FLT4: variants seen among roughly 807,000 people sequenced by gnomAD.
The protein encoded by FLT4 is fms related receptor tyrosine kinase 4, also known as vascular endothelial growth factor receptor 3.
FLT4 carries 30 observed loss-of-function variants against 163.2 expected under a neutral mutation model. The ratio of observed to expected loss-of-function variants is 0.18; its 90% CI spans 0.14 to 0.25. The LOEUF is 0.25. FLT4 is among the 10% of genes least tolerant of loss of function. The pLI, the probability that FLT4 is intolerant of heterozygous loss-of-function variation, is 1.00. For missense variants in FLT4, 1,510 were observed against 1,863.8 expected, an observed-to-expected ratio of 0.81 and a Z score of 3.50; for synonymous variants, 884 against 789.5, an observed-to-expected ratio of 1.12 and a Z score of -2.01.
At chr5:180,624,903 C>T (rs1218293961) in intron 10 of FLT4, among the ~76,000 whole-genome samples, 4 of 152,250 alleles carry the variant, frequency 2.6e-5, no homozygotes, top group Admixed American at 1.3e-4. Flanking sequence ...AGGGACCCCC[C>T]GAAGGGCTCC....
intron 1 of FLT4, among the ~76,000 whole-genome samples, chr5:180,646,662 T>C (rs1166905282): frequency 6.6e-6 from 1 of 152,172 alleles, no homozygotes; most frequent in East Asian, 1.9e-4. Context: ...CATGTCTGTG[T>C]CCCTGCAAGG....
rs77918653 is a variant in FLT4 at position 180,630,371 on chromosome 5, C to G, written c.401-34G>C. ...AGGGAGCAAGCTGTTGGGGAAGGGACGTGGCGGCCAGGCTGGGGGAGGGCT... is the reference window on the plus strand; with the variant it reads ...AGGGAGCAAGCTGTTGGGGAAGGGAGGTGGCGGCCAGGCTGGGGGAGGGCT... On this transcript the variant is annotated intron_variant, in intron 3 of 29. Transcript: ENST00000261937. The surrounding 1 kb of genome is among the most constrained non-coding windows in gnomAD (Gnocchi z 6.3). 1 of 1,590,734 alleles carries G rather than the reference C, an allele frequency of 6.3e-7. No individual in the cohort carries two copies.
chr5:180,603,997 C>A (rs991542784), intron 29 of FLT4, among the ~76,000 whole-genome samples: 12 of 151,986 alleles, frequency 7.9e-5, no homozygotes, highest in African/African-American at 2.7e-4. Context: ...AAAGTGAGAC[C>A]CTGTCTCAAA....
At chr5:180,639,368 T>C (rs1764926189) in intron 1 of FLT4, among the ~76,000 whole-genome samples, 1 of 81,862 alleles carries the variant, frequency 1.2e-5, no homozygotes, top group African/African-American at 3.7e-5. Flanking sequence ...GACAGGTAGA[T>C]GAGTGGATGG....
chr5:180,620,568 G>GC lies in FLT4; in HGVS notation c.2406+40dup. On this transcript the variant is annotated intron_variant, in intron 16 of 29. Coordinates refer to ENST00000261937, the MANE Select transcript of FLT4 (RefSeq NM_182925.5). The surrounding 1 kb of genome is among the most constrained non-coding windows in gnomAD (Gnocchi z 4.4). ...CTTAGGGGCGGCCAGGGTGGGGAAG[G>GC]CCTGAGAGAGACTCCATCAGGAGCG... 1.4e-6 allele frequency: 2 copies of GC among 1,455,686 alleles called. No individual in the cohort carries two copies. The highest frequency in any genetic ancestry group is 1.9e-6 in the Non-Finnish European group (2 of 1,037,506). The allele number at this position is 1,455,686 out of a possible 1,614,324, so 90.2% of individuals were successfully genotyped here.
At chr5:180,631,567 C>T (rs1764164338) in intron 2 of FLT4, 115 bp downstream of exon 2, 4 of 843,500 alleles carry the variant, frequency 4.7e-6, no homozygotes, top group Non-Finnish European at 8.0e-6. Context: ...GCCCCGAGGC[C>T]ACTCTGCCCT....
In FLT4 at chr5:180,620,739, C is replaced by CGTGTGTGTGTGT; in HGVS notation, c.2300-36_2300-25dup. On this transcript the variant is annotated intron_variant, in intron 15 of 29. Transcript: ENST00000261937. The surrounding 1 kb of genome is among the most constrained non-coding windows in gnomAD (Gnocchi z 4.4). ...GCCTGCGTGGGCAGAAAGGGGCCGG[C>CGTGTGTGTGTGT]GTGTGTGTGTGTGTGTGTAAGAGCG... is the stretch of plus-strand genomic sequence containing the variant. 1 of 1,533,686 alleles carries CGTGTGTGTGTGT rather than the reference C, an allele frequency of 6.5e-7. No individual in the cohort carries two copies. Among genetic ancestry groups the CGTGTGTGTGTGT allele is most frequent in the Non-Finnish European group, 9.0e-7 (1 of 1,114,230 alleles).
intron 29 of FLT4, among the ~76,000 whole-genome samples, chr5:180,603,924 G>C (rs1357151482): frequency 6.8e-6 from 1 of 147,052 alleles, no homozygotes; most frequent in African/African-American, 2.6e-5. Context: ...AAAATTGCTT[G>C]AGCCCAGGAG....
chr5:180,618,700 G>GGTTTACCCTA, intron 21 of FLT4, 70 bp downstream of exon 21: 3 of 1,517,208 alleles, frequency 2.0e-6, no homozygotes, highest in Non-Finnish European at 2.7e-6. Context: ...ACCCCAGGCT[G>GGTTTACCCTA]GGGTGCCTGA....
chr5:180,621,998 C>CCCTG (rs1234948352), intron 12 of FLT4, 94 bp from the exon 13 acceptor site: 1 of 1,532,178 alleles, frequency 6.5e-7, no homozygotes, highest in East Asian at 2.3e-5. Context: ...CTCCCTCCCT[C>CCCTG]CCTCTCTCCT....
chr5:180,613,538 C>T (rs963353929), intron 24 of FLT4: 1 of 243,730 alleles, frequency 4.1e-6, no homozygotes, highest in African/African-American at 2.2e-5. Context: ...CCTGCTGCTC[C>T]CCGTCCTGGA....
chr5:180,641,653 G>A (rs976092376), intron 1 of FLT4, among the ~76,000 whole-genome samples: 3 of 152,336 alleles, frequency 2.0e-5, no homozygotes, highest in Admixed American at 6.5e-5. Context: ...GGCAGCAGGA[G>A]CGTCCTGTCT....
intron 2 of FLT4, among the ~76,000 whole-genome samples, chr5:180,631,259 G>A (rs1236465006): frequency 2.0e-5 from 3 of 151,972 alleles, no homozygotes; most frequent in African/African-American, 7.2e-5. Context: ...GGGTTACGAG[G>A]TCAGGAGATC....
intron 1 of FLT4, among the ~76,000 whole-genome samples, chr5:180,633,704 C>T (rs1055169019): frequency 3.0e-4 from 45 of 152,252 alleles, no homozygotes; most frequent in African/African-American, 9.9e-4. Context: ...GCCAGGAAGA[C>T]AGCTGGGCAT....
At chr5:180,609,152 G>A (rs983057704) in intron 28 of FLT4, 99 bp from the exon 29 acceptor site, 8 of 962,570 alleles carry the variant, frequency 8.3e-6, no homozygotes, top group East Asian at 4.8e-5. Context: ...CCTGCAGCGC[G>A]GCTGACCTAA....
At chr5:180,618,641 C>T in intron 21 of FLT4, 129 bp downstream of exon 21, 1 of 1,004,904 alleles carries the variant, frequency 1.0e-6, no homozygotes, top group Non-Finnish European at 1.5e-6. Flanking sequence ...GTCTTCCCTT[C>T]CTAAGGCAGA....
intron 29 of FLT4, chr5:180,608,013 G>A (rs959807319): frequency 1.6e-5 from 11 of 686,446 alleles, no homozygotes; most frequent in Admixed American, 6.2e-5. Context: ...AGGAGTCAGG[G>A]AACACTCTGC....
chr5:180,624,125 G>T, intron 10 of FLT4, 64 bp from the exon 11 acceptor site: 2 of 1,590,012 alleles, frequency 1.3e-6, no homozygotes, highest in East Asian at 2.2e-5. Flanking sequence ...CACATGGGGG[G>T]CGGGGTCAAG....
At chr5:180,633,795 G>C (rs77667605) in intron 1 of FLT4, among the ~76,000 whole-genome samples, 1 of 152,118 alleles carries the variant, frequency 6.6e-6, no homozygotes, top group Non-Finnish European at 1.5e-5. Context: ...AGACCCGTCC[G>C]GATGAATAGA....
Sources: allele counts gnomAD v4.1 joint callset (sites outside exome capture counted in the v4.1 genomes callset), GRCh38; gene constraint gnomAD v4.1.1; non-coding constraint Gnocchi (gnomAD v3.1); transcripts MANE v1.5; gene names NCBI Gene and HGNC (gene_info 2026-07-23, HGNC 2026-07-21).